Variants in HDAC9 observed in about 807,000 individuals in gnomAD.
HDAC9 encodes the protein MEF-2 interacting transcription repressor (MITR) protein.
HDAC9 carries 41 observed loss-of-function variants against 139.4 expected under a neutral mutation model. The ratio of observed to expected loss-of-function variants is 0.29; its 90% CI spans 0.23 to 0.38. The LOEUF (loss-of-function observed/expected upper bound fraction) is 0.38. HDAC9 is among the 10% of genes least tolerant of loss of function. The pLI, the probability that HDAC9 is intolerant of heterozygous loss-of-function variation, is 1.00. For synonymous variants in HDAC9, 517 were observed against 476.2 expected (o/e 1.09, Z -1.12); for missense variants, 1,147 against 1,297.0 (o/e 0.88, Z 1.78).
intron 6 of HDAC9, among the ~76,000 whole-genome samples, chr7:18,610,149 C>T (rs370420294): frequency 6.6e-6 from 1 of 152,256 alleles, no homozygotes; most frequent in East Asian, 1.9e-4. Flanking sequence ...TTGGAACCAA[C>T]CCCAATGTCC....
At chr7:18,154,408 G>A (rs1482939085) in intron 1 of HDAC9, among the ~76,000 whole-genome samples, 1 of 152,206 alleles carries the variant, frequency 6.6e-6, no homozygotes, top group African/African-American at 2.4e-5. Context: ...CTGTGCCACA[G>A]TGAGAGGCAC....
chr7:18,616,707 T>C (rs186036610), intron 6 of HDAC9, among the ~76,000 whole-genome samples: 3 of 152,184 alleles, frequency 2.0e-5, no homozygotes, highest in African/African-American at 7.2e-5. Flanking sequence ...CCCAGGTGAC[T>C]TGGAAGGTTC....
Position 18,809,632 on chromosome 7 carries a change from C to T in HDAC9, c.2322+16180C>T, listed in dbSNP as rs145017710. ...AACAGATACATGAAAAGATACTCAACATCGCTAATTATCAGGGAAATGTAA... is the reference window on the plus strand; with the variant it reads ...AACAGATACATGAAAAGATACTCAATATCGCTAATTATCAGGGAAATGTAA... On this transcript the variant is annotated intron_variant, in intron 17 of 25. Coordinates refer to ENST00000686413, the MANE Select transcript of HDAC9 (RefSeq NM_178425.4). Among the ~76,000 whole-genome samples, 634 of 152,002 alleles carry T rather than the reference C, an allele frequency of 4.2e-3. 2 individuals carry two copies. The highest frequency in any genetic ancestry group is 0.017 in the Middle Eastern group (5 of 294).
chr7:18,333,177 A>G lies in HDAC9; in HGVS notation c.-42+42662A>G, dbSNP rs544160242. 2.6e-5 allele frequency among the ~76,000 whole-genome samples: 4 copies of G among 151,634 alleles called. No homozygotes were observed. In the East Asian group the frequency reaches 7.8e-4, roughly 29 times the overall value. Reference sequence around the variant, plus strand: ...AAGCCATTAAAAACTACTGAGTCAGAGGCAGTTTTTAAACAGAGCTCAACT... The same window carrying G: ...AAGCCATTAAAAACTACTGAGTCAGGGGCAGTTTTTAAACAGAGCTCAACT... On this transcript the variant is annotated intron_variant, in intron 1 of 3. Transcript: ENST00000413509.
At chr7:18,795,788 G>A (rs1207736263) in intron 17 of HDAC9, among the ~76,000 whole-genome samples, 4 of 152,138 alleles carry the variant, frequency 2.6e-5, no homozygotes, top group Admixed American at 2.6e-4. Flanking sequence ...CATGTTTGTG[G>A]ACCGCTATTC....
intron 2 of HDAC9, among the ~76,000 whole-genome samples, chr7:18,230,644 A>G (rs1040326129): frequency 2.0e-5 from 3 of 152,116 alleles, no homozygotes; most frequent in Non-Finnish European, 4.4e-5. Context: ...CGTTGTTGCT[A>G]TTTGACTTTG....
intron 2 of HDAC9, among the ~76,000 whole-genome samples, chr7:18,224,919 A>G (rs1562767352): frequency 6.6e-6 from 1 of 152,078 alleles, no homozygotes; most frequent in African/African-American, 2.4e-5. Context: ...AAGTTGGAGG[A>G]TATAGAGGAT....
At chr7:18,796,936 A>G (rs927148284) in intron 17 of HDAC9, among the ~76,000 whole-genome samples, 4 of 152,188 alleles carry the variant, frequency 2.6e-5, no homozygotes, top group African/African-American at 9.7e-5. Flanking sequence ...ATTTATCAAA[A>G]CAAACAAAAA....
chr7:18,903,851 T>A (rs1801956892), intron 22 of HDAC9, among the ~76,000 whole-genome samples: 1 of 152,128 alleles, frequency 6.6e-6, no homozygotes, highest in Non-Finnish European at 1.5e-5. Context: ...AGCATGCTGT[T>A]CTCTCTCTCT....
chr7:18,234,213 G>A (rs900755136), intron 2 of HDAC9, among the ~76,000 whole-genome samples: 1 of 152,160 alleles, frequency 6.6e-6, no homozygotes. Flanking sequence ...GGGAAAAGTA[G>A]GGCCAAAACC....
intron 12 of HDAC9, among the ~76,000 whole-genome samples, chr7:18,715,487 T>TG (rs1204344422): frequency 6.6e-6 from 1 of 152,194 alleles, no homozygotes; most frequent in Non-Finnish European, 1.5e-5. Context: ...GAGTTAGACA[T>TG]GCTTGGTAAT....
At chr7:18,987,522 A>G (rs1188870213) in intron 25 of HDAC9, among the ~76,000 whole-genome samples, 1 of 152,108 alleles carries the variant, frequency 6.6e-6, no homozygotes, top group Non-Finnish European at 1.5e-5. Context: ...ATTGGTCTAA[A>G]ATTCTCTTTT....
rs890903462 is a variant in HDAC9, at chr7:18,256,862, G to A, written c.25+94513G>A. 2.0e-5 allele frequency among the ~76,000 whole-genome samples: 3 copies of A among 152,088 alleles called. No homozygotes were observed. The East Asian group carries it at 5.8e-4, about 29-fold the overall frequency. On this transcript the variant is annotated intron_variant, in intron 2 of 12. Coordinates refer to the HDAC9 transcript ENST00000417496. ...CAGCACTTTGGGAGGGCAAGGTAGGGGGATTGCTTGAGCCCGAGAGTTTGA... is the reference window on the plus strand; with the variant it reads ...CAGCACTTTGGGAGGGCAAGGTAGGAGGATTGCTTGAGCCCGAGAGTTTGA...
chr7:18,507,553 G>C (rs1800193610), intron 2 of HDAC9, among the ~76,000 whole-genome samples: 1 of 151,964 alleles, frequency 6.6e-6, no homozygotes, highest in South Asian at 2.1e-4. Context: ...AGAGTGCAAT[G>C]GCGCCCTCTT....
chr7:18,141,616 G>A (rs1257194241), intron 1 of HDAC9, among the ~76,000 whole-genome samples: 2 of 152,132 alleles, frequency 1.3e-5, no homozygotes, highest in Non-Finnish European at 2.9e-5. Context: ...GGCACTTGGA[G>A]TCCATTTGTA....
In HDAC9 at chr7:18,835,574, A is replaced by G; in HGVS notation, c.2574A>G (p.Gly858=). 2.5e-6 allele frequency: 4 copies of G among 1,613,738 alleles called. No homozygotes were observed. Among genetic ancestry groups the G allele is most frequent in the Non-Finnish European group, 2.5e-6 (3 of 1,179,692 alleles). ...AAGGGAACTTTTTCCCTGGCAGTGG[A>G]GCCCCAAATGAGGTTCGGTTTATTT... ...YDEGNFFPGS[G]APNEVGTGLG... Residue 858 remains glycine (G), a synonymous_variant, in exon 20 of 26, where the codon GGA becomes GGG. Transcript: ENST00000686413.
At chr7:18,895,748 T>G (rs1186451420) in intron 22 of HDAC9, among the ~76,000 whole-genome samples, 5 of 152,144 alleles carry the variant, frequency 3.3e-5, no homozygotes, top group Admixed American at 2.6e-4. Flanking sequence ...TGGCTGTCTA[T>G]TCTCTTGTAA....
chr7:18,951,165 A>G (rs1029720588), intron 23 of HDAC9, among the ~76,000 whole-genome samples: 1 of 152,010 alleles, frequency 6.6e-6, no homozygotes, highest in Non-Finnish European at 1.5e-5. Context: ...TCTGATTCTA[A>G]AGAACCTGGA....
chr7:18,772,291 A>C (rs1790362886), intron 16 of HDAC9, among the ~76,000 whole-genome samples: 1 of 152,024 alleles, frequency 6.6e-6, no homozygotes, highest in Non-Finnish European at 1.5e-5. Flanking sequence ...CAATTGCACC[A>C]AGCTGTTGCC....
Sources: allele counts gnomAD v4.1 joint callset (sites outside exome capture counted in the v4.1 genomes callset), GRCh38; gene constraint gnomAD v4.1.1; transcripts MANE v1.5; gene names NCBI Gene and HGNC (gene_info 2026-07-23, HGNC 2026-07-21).